Variants in TET3 observed in about 807,000 individuals in gnomAD.
The protein encoded by TET3 is tet methylcytosine dioxygenase 3.
In TET3, 19 loss-of-function variants were observed where a neutral mutation model predicts 141.4. That is an observed-to-expected ratio of 0.13 (90% CI 0.09 to 0.20). TET3 has a LOEUF of 0.20. Among genes scored for constraint, TET3 ranks in the 10% least tolerant of loss-of-function variants. The pLI is 1.00. For missense variants in TET3, 1,874 were observed against 2,356.9 expected, an observed-to-expected ratio of 0.80 and a Z score of 4.24; for synonymous variants, 1,043 against 980.9, an observed-to-expected ratio of 1.06 and a Z score of -1.18.
chr2:74,072,443 C>T lies in TET3; in HGVS notation c.2495-1106C>T, dbSNP rs1431018049. Among the ~76,000 whole-genome samples the T allele has an allele frequency of 2.7e-5, 4 of 150,278 alleles. No individual in the cohort carries two copies. In the East Asian group the frequency reaches 7.8e-4, roughly 29 times the overall value. On this transcript the variant is annotated intron_variant, in intron 4 of 11. Transcript: ENST00000409262. ...ATGAGAATTACTTGAACCTGGGAGG[C>T]GGAGGTTGCAGTGAGCCAAGATCGC...
At chr2:74,035,034 T>C (rs914097487) in intron 3 of TET3, among the ~76,000 whole-genome samples, 1 of 74,658 alleles carries the variant, frequency 1.3e-5, no homozygotes, top group African/African-American at 6.6e-5. Context: ...TACTAAAAAA[T>C]ACAAAAAAAA....
rs1284554824 is a variant in TET3 at position 74,087,025 on chromosome 2, C to T, written c.2680-805C>T. 6.6e-6 allele frequency among the ~76,000 whole-genome samples: 1 copy of T among 152,120 alleles called. No homozygotes were observed. The highest frequency in any genetic ancestry group is 1.5e-5 in the Non-Finnish European group (1 of 68,030). On this transcript the variant is annotated intron_variant, in intron 6 of 11. Coordinates refer to ENST00000409262, the MANE Select transcript of TET3 (RefSeq NM_001287491.2). This position sits in a 1 kb window ranked among gnomAD's most constrained non-coding sequence, Gnocchi z 4.3. ...AAGCTCTAATCTACTTTCTGTCTCT[C>T]TGAATGGAACTGTTCTGGGTGTCTC...
chr2:74,022,583 T>C (rs558594839), intron 3 of TET3, among the ~76,000 whole-genome samples: 1 of 152,058 alleles, frequency 6.6e-6, no homozygotes. Flanking sequence ...TTTTTTTTTC[T>C]TTTGGTTGTG....
At chr2:74,050,024 G>A (rs984104813) in intron 4 of TET3, among the ~76,000 whole-genome samples, 3 of 152,136 alleles carry the variant, frequency 2.0e-5, no homozygotes, top group South Asian at 4.1e-4. Context: ...TTCTCTGTGC[G>A]TGTATGTGTG....
chr2:74,048,176 C>T lies in TET3; in HGVS notation c.2259C>T (p.Ser753=), dbSNP rs1687750780. 6.2e-7 allele frequency: 1 copy of T among 1,612,528 alleles called. No homozygotes were observed. Among genetic ancestry groups the T allele is most frequent in the Non-Finnish European group, 8.5e-7 (1 of 1,179,258 alleles). Residue 753 remains serine, a synonymous_variant, in exon 4 of 12, where the codon TCC becomes TCT. Coordinates refer to ENST00000409262, the MANE Select transcript of TET3 (RefSeq NM_001287491.2). The part of the protein sequence containing the change: ...PAPESPFATR[S]PKQIKIESSG... ...CTGAGAGCCCCTTTGCTACCCGTTC[C>T]CCCAAGCAAATCAAGATTGAGTCTT...
At chr2:74,027,388 C>T (rs1190144332) in intron 3 of TET3, among the ~76,000 whole-genome samples, 4 of 147,580 alleles carry the variant, frequency 2.7e-5, no homozygotes, top group African/African-American at 1.0e-4. Context: ...AAATCATATA[C>T]AGTTCACCCA....
At chr2:74,020,794 A>C (rs1685995880) in intron 3 of TET3, among the ~76,000 whole-genome samples, 1 of 152,236 alleles carries the variant, frequency 6.6e-6, no homozygotes, top group Non-Finnish European at 1.5e-5. Flanking sequence ...CATAAAAAGA[A>C]GGTGGGAGTG....
downstream of TET3, among the ~76,000 whole-genome samples, chr2:74,109,513 C>T (rs1458518054): frequency 1.3e-5 from 2 of 152,186 alleles, no homozygotes; most frequent in Admixed American, 1.3e-4. Flanking sequence ...TTAATCATCC[C>T]TGTATCACCA....
chr2:74,098,312 G>GTAGAATAATAT (rs1414069854), intron 10 of TET3, among the ~76,000 whole-genome samples: 3 of 152,180 alleles, frequency 2.0e-5, no homozygotes, highest in Non-Finnish European at 2.9e-5. Context: ...CATTGATACA[G>GTAGAATAATAT]TAGAATAATA....
chr2:74,099,795 A>T (rs1691065890), intron 11 of TET3, among the ~76,000 whole-genome samples, 183 bp downstream of exon 11: 1 of 152,184 alleles, frequency 6.6e-6, no homozygotes, highest in Non-Finnish European at 1.5e-5. Context: ...CAAGTACAGC[A>T]GGACTTGTTA....
chr2:74,049,311 G>A (rs939877539), intron 4 of TET3, among the ~76,000 whole-genome samples: 1 of 152,166 alleles, frequency 6.6e-6, no homozygotes, highest in African/African-American at 2.4e-5. Context: ...TGAGTTACAC[G>A]TTTGGACCTA....
intron 4 of TET3, among the ~76,000 whole-genome samples, chr2:74,060,277 G>A (rs1357022887): frequency 6.6e-6 from 1 of 152,150 alleles, no homozygotes; most frequent in Non-Finnish European, 1.5e-5. Context: ...CTTTTGTGGA[G>A]TTCCTGTTCA....
chr2:74,135,247 G>A, the TET3 span: 1 of 409,480 alleles, frequency 2.4e-6, no homozygotes, highest in South Asian at 3.8e-5. Flanking sequence ...TCAGTAAGAT[G>A]AAGAGGCCTG....
Position 74,099,427 on chromosome 2 carries a change from A to G in TET3, c.3419A>G (p.Gln1140Arg). ...GCAAAGGTGGGCAGCGGAGCCATCCAGGTGCTCACCGCCTTCCCCCGCGAG... is the reference window on the plus strand; with the variant it reads ...GCAAAGGTGGGCAGCGGAGCCATCCGGGTGCTCACCGCCTTCCCCCGCGAG... ...QNAKVGSGAI[Q>R]VLTAFPREVR... The change falls in exon 11 of 12, where the codon CAG (glutamine) becomes CGG (arginine). Residue 1140 changes from glutamine (Q) to arginine (R), a missense_variant. This residue lies in a region of TET3 where 53 missense variants were observed against 112.8 expected (regional missense o/e 0.47). Transcript: ENST00000409262. 1 of 1,614,028 alleles carries G rather than the reference A, an allele frequency of 6.2e-7. No homozygotes were observed. Among genetic ancestry groups the G allele is most frequent in the Non-Finnish European group, 8.5e-7 (1 of 1,179,878 alleles).
At chr2:74,030,392 A>T (rs1686614145) in intron 3 of TET3, among the ~76,000 whole-genome samples, 1 of 152,158 alleles carries the variant, frequency 6.6e-6, no homozygotes, top group Admixed American at 6.5e-5. Context: ...GCAGGTTTAG[A>T]TGAGTGTATA....
At chr2:73,995,221 A>G (rs569931896) in intron 2 of TET3, among the ~76,000 whole-genome samples, 1 of 152,326 alleles carries the variant, frequency 6.6e-6, no homozygotes, top group South Asian at 2.1e-4. Flanking sequence ...TGGCCTCCCA[A>G]AGTGCTGAGA....
chr2:74,002,226 G>C (rs1287968902), intron 2 of TET3, among the ~76,000 whole-genome samples: 1 of 152,178 alleles, frequency 6.6e-6, no homozygotes, highest in Non-Finnish European at 1.5e-5. Flanking sequence ...ATGGAGTAAA[G>C]GTTCGTGCTG....
At chr2:74,123,058 T>G in the TET3 span, 68 of 152,276 alleles carry the variant, frequency 4.5e-4, no homozygotes, top group African/African-American at 1.6e-3. Context: ...TCTACATGTT[T>G]GAAGTTCAGA....
rs754132014 is a variant in TET3, at chr2:74,100,482, A to G, written c.3694A>G (p.Ser1232Gly). ...GAACCACTTCAGCTCCTTCAAGTAC[A>G]GCGGCAACGCGGTGGTGGAGAGCTA... ...PQNHFSSFKY[S>G]GNAVVESYSV... The change falls in exon 12 of 12, where the codon AGC becomes GGC. Residue 1232 changes from serine (S) to glycine (G), a missense_variant. Physicochemically the swap from Ser to Gly is moderately conservative, Grantham distance 56 (BLOSUM62 0). Around this residue, in one of 10 missense-constraint regions of TET3, gnomAD observed 602 missense variants for 590.2 expected, o/e 1.02. Coordinates refer to ENST00000409262, the MANE Select transcript of TET3 (RefSeq NM_001287491.2). 3 of 1,597,194 alleles carry G rather than the reference A, an allele frequency of 1.9e-6. No homozygotes were observed. The highest frequency in any genetic ancestry group is 2.7e-5 in the African/African-American group (2 of 74,476).
Sources: gnomAD v4.1 joint callset for allele counts (sites outside exome capture counted in the v4.1 genomes callset) on GRCh38, gnomAD v4.1.1 for gene constraint, gnomAD v4.1.1 regional missense constraint, Gnocchi (gnomAD v3.1) non-coding constraint, MANE v1.5 for transcripts, NCBI Gene and HGNC (gene_info 2026-07-23, HGNC 2026-07-21) for gene names.